FGGY: variants seen among roughly 807,000 people sequenced by gnomAD.
FGGY encodes the protein FGGY carbohydrate kinase domain containing.
A neutral mutation model predicts 71.3 loss-of-function variants in FGGY; 72 were observed. That is an observed-to-expected ratio of 1.01 (90% CI 0.84 to 1.23). The LOEUF (loss-of-function observed/expected upper bound fraction) is 1.23, where lower values mean the gene tolerates loss of function less well. FGGY is among the 50% of genes most tolerant of loss of function. The pLI is 0.00. For synonymous variants in FGGY, 251 were observed against 250.3 expected (o/e 1.00, Z -0.02); for missense variants, 668 against 682.3 (o/e 0.98, Z 0.23).
At chr1:59,483,578 G>A (rs561920735) in intron 6 of FGGY, among the ~76,000 whole-genome samples, 17 of 152,188 alleles carry the variant, frequency 1.1e-4, no homozygotes, top group African/African-American at 3.1e-4. Flanking sequence ...TATCTAGTTC[G>A]ATTCTGTTCT....
At chr1:59,465,296 C>A (rs1458766568) in intron 6 of FGGY, among the ~76,000 whole-genome samples, 1 of 152,024 alleles carries the variant, frequency 6.6e-6, no homozygotes, top group African/African-American at 2.4e-5. Context: ...AAAAGACTGA[C>A]AAAATTTAAC....
At chr1:59,676,727 A>G (rs1485499758) in intron 14 of FGGY, among the ~76,000 whole-genome samples, 3 of 152,150 alleles carry the variant, frequency 2.0e-5, no homozygotes, top group Non-Finnish European at 2.9e-5. Flanking sequence ...ACAGCATTGT[A>G]AAGACAAGCT....
At chr1:59,648,081 T>C (rs2097115697) in intron 11 of FGGY, among the ~76,000 whole-genome samples, 1 of 105,244 alleles carries the variant, frequency 9.5e-6, no homozygotes, top group Admixed American at 9.5e-5. Flanking sequence ...CATGAACTCA[T>C]CATTTTTTAT....
At chr1:59,370,954 G>A (rs948461298) in intron 4 of FGGY, among the ~76,000 whole-genome samples, 1 of 151,920 alleles carries the variant, frequency 6.6e-6, no homozygotes, top group African/African-American at 2.4e-5. Context: ...GCAAAATCAT[G>A]GCAAAATGTA....
chr1:59,678,061 C>G (rs2097454334), intron 14 of FGGY, among the ~76,000 whole-genome samples: 1 of 152,188 alleles, frequency 6.6e-6, no homozygotes, highest in Non-Finnish European at 1.5e-5. Flanking sequence ...GTTTTCAAAA[C>G]TGTGTCTTTA....
At chr1:59,538,075 A>T (rs1421487621) in intron 7 of FGGY, among the ~76,000 whole-genome samples, 1 of 152,224 alleles carries the variant, frequency 6.6e-6, no homozygotes, top group African/African-American at 2.4e-5. Context: ...ACAAAATGGG[A>T]GAAAATTTTC....
chr1:59,502,799 G>T (rs1456657911), intron 6 of FGGY, among the ~76,000 whole-genome samples: 1 of 152,306 alleles, frequency 6.6e-6, no homozygotes, highest in Non-Finnish European at 1.5e-5. Context: ...ACTGTAAAAT[G>T]TATACACTGA....
At chr1:59,608,127 C>G (rs976299628) in intron 9 of FGGY, among the ~76,000 whole-genome samples, 2 of 152,180 alleles carry the variant, frequency 1.3e-5, no homozygotes, top group African/African-American at 4.8e-5. Flanking sequence ...AGCCCTTCTT[C>G]TCACCTGATC....
At chr1:59,550,722 G>A (rs1397302283) in intron 7 of FGGY, among the ~76,000 whole-genome samples, 4 of 152,134 alleles carry the variant, frequency 2.6e-5, no homozygotes, top group Non-Finnish European at 5.9e-5. Flanking sequence ...CTTAGCCCAT[G>A]GCTCTCACTG....
chr1:59,631,814 C>T (rs926682822), intron 10 of FGGY, among the ~76,000 whole-genome samples: 5 of 152,258 alleles, frequency 3.3e-5, no homozygotes, highest in South Asian at 2.1e-4. Context: ...TGGATGTGCC[C>T]GTACATGTAA....
At chr1:59,415,324 CACA>C (rs1169003051) in intron 5 of FGGY, among the ~76,000 whole-genome samples, 9 of 152,316 alleles carry the variant, frequency 5.9e-5, no homozygotes, top group Non-Finnish European at 1.2e-4. Flanking sequence ...GTTGTGATTT[CACA>C]ACAAGTGTTG....
chr1:59,481,433 G>A (rs1231654115), intron 6 of FGGY, among the ~76,000 whole-genome samples: 2 of 152,138 alleles, frequency 1.3e-5, no homozygotes, highest in African/African-American at 4.8e-5. Flanking sequence ...TTGTGGCCCT[G>A]TGCGAGTGCT....
intron 14 of FGGY, among the ~76,000 whole-genome samples, chr1:59,735,907 A>ACCCTGGGACCTTAC (rs561822010): frequency 1.3e-5 from 2 of 152,202 alleles, no homozygotes; most frequent in East Asian, 3.9e-4. Context: ...GAAAACACAC[A>ACCCTGGGACCTTAC]CCCTGGGACC....
At chr1:59,492,926 G>C (rs910627167) in intron 6 of FGGY, among the ~76,000 whole-genome samples, 1 of 152,072 alleles carries the variant, frequency 6.6e-6, no homozygotes, top group African/African-American at 2.4e-5. Flanking sequence ...AAGGCTTCAG[G>C]TTGCTTCAAA....
chr1:59,737,038 C>T (rs984112746), intron 14 of FGGY, among the ~76,000 whole-genome samples: 7 of 152,260 alleles, frequency 4.6e-5, no homozygotes, highest in Non-Finnish European at 1.0e-4. Context: ...AAGGGGCCAA[C>T]ATAGAGCTCA....
At chr1:59,433,125 T>C (rs989518042) in intron 5 of FGGY, among the ~76,000 whole-genome samples, 10 of 152,200 alleles carry the variant, frequency 6.6e-5, no homozygotes, top group African/African-American at 2.2e-4. Context: ...CTTGGCACCA[T>C]TGACATTTTG....
At chr1:59,306,144 T>C (rs1282545255) in intron 1 of FGGY, among the ~76,000 whole-genome samples, 1 of 152,212 alleles carries the variant, frequency 6.6e-6, no homozygotes, top group Non-Finnish European at 1.5e-5. Context: ...TTTTCCCCAT[T>C]GTTTTAAGCA....
At chr1:59,592,636 G>C (rs1205346311) in intron 8 of FGGY, among the ~76,000 whole-genome samples, 7 of 152,034 alleles carry the variant, frequency 4.6e-5, no homozygotes, top group African/African-American at 1.7e-4. Context: ...TCCTTTGTGG[G>C]GACATGGATG....
chr1:59,325,870 C>T (rs2047339610), intron 2 of FGGY, among the ~76,000 whole-genome samples: 1 of 152,216 alleles, frequency 6.6e-6, no homozygotes. Flanking sequence ...TCCAAATCTT[C>T]CTCTCTGTCT....
Sources: allele counts gnomAD v4.1 joint callset (sites outside exome capture counted in the v4.1 genomes callset), GRCh38; gene constraint gnomAD v4.1.1; transcripts MANE v1.5; gene names NCBI Gene and HGNC (gene_info 2026-07-23, HGNC 2026-07-21).